The following WASF1 variants were observed in gnomAD, a reference collection of about 807,000 sequenced individuals.
WASF1 encodes the protein actin-binding protein WASF1.
A neutral mutation model predicts 50.5 loss-of-function variants in WASF1; 7 were observed. The ratio of observed to expected loss-of-function variants is 0.14; its 90% CI spans 0.08 to 0.26. The LOEUF is 0.26. Ranked by LOEUF, WASF1 falls within the 10% of genes least tolerant of loss-of-function variation. The probability of loss-of-function intolerance (pLI) is 1.00; values close to 1 mark genes in which losing one functional copy is unlikely to be tolerated. For missense variants in WASF1, 470 were observed against 694.7 expected (o/e 0.68, Z 3.64); for synonymous variants, 205 against 244.0 (o/e 0.84, Z 1.49).
chr6:110,176,323 G>A (rs1776926890), intron 2 of WASF1, among the ~76,000 whole-genome samples: 1 of 151,892 alleles, frequency 6.6e-6, no homozygotes, highest in South Asian at 2.1e-4. Flanking sequence ...CTTCTATCTA[G>A]TGTAGGAAAA....
At position 110,107,620 on chromosome 6, in the gene WASF1, A is replaced by G. The variant is rs912105523; in HGVS notation, c.423-426T>C. ...TTTATTATCTTACTAAATCCAAAAG[A>G]TATCATGTAATAGTCATTCTAACAG... On this transcript the variant is annotated intron_variant, in intron 6 of 10. Coordinates refer to ENST00000392589, the MANE Select transcript of WASF1 (RefSeq NM_003931.3). Among the ~76,000 whole-genome samples the G allele has an allele frequency of 3.9e-5, 6 of 152,304 alleles. 1 individual carries two copies. Among genetic ancestry groups the G allele is most frequent in the Admixed American group, 1.3e-4 (2 of 15,298 alleles).
intron 3 of WASF1, 123 bp from the exon 4 acceptor site, chr6:110,127,752 G>A (rs944125443): frequency 7.9e-6 from 7 of 882,992 alleles, no homozygotes; most frequent in Non-Finnish European, 1.1e-5. Flanking sequence ...AACTGCCTGG[G>A]TCCACTTACT....
intron 3 of WASF1, among the ~76,000 whole-genome samples, chr6:110,139,540 C>T (rs1316201214): frequency 6.6e-6 from 1 of 152,220 alleles, no homozygotes; most frequent in East Asian, 1.9e-4. Context: ...CTATTCCCAG[C>T]TTTTTGCTTG....
intron 4 of WASF1, among the ~76,000 whole-genome samples, chr6:110,126,440 G>A (rs4945850): frequency 6.6e-6 from 1 of 152,050 alleles, no homozygotes; most frequent in Non-Finnish European, 1.5e-5. Flanking sequence ...ATATTCAAAT[G>A]TAACTTTTTA....
chr6:110,169,417 T>C (rs1776601761), intron 2 of WASF1, among the ~76,000 whole-genome samples: 1 of 152,182 alleles, frequency 6.6e-6, no homozygotes, highest in Non-Finnish European at 1.5e-5. Context: ...TTTGAGATCA[T>C]CTTTAAATTA....
At chr6:110,172,345 T>TA (rs1776757135) in intron 2 of WASF1, among the ~76,000 whole-genome samples, 1 of 151,732 alleles carries the variant, frequency 6.6e-6, no homozygotes, top group Non-Finnish European at 1.5e-5. Context: ...ATGGAATAAT[T>TA]AAGGCAGAAA....
intron 9 of WASF1, 114 bp from the exon 10 acceptor site, chr6:110,102,330 A>C: frequency 1.9e-6 from 2 of 1,071,112 alleles, no homozygotes; most frequent in Non-Finnish European, 2.4e-6. Context: ...GGATCCAATA[A>C]CATGCTCCTA....
chr6:110,174,986 C>T (rs904689595), intron 2 of WASF1, among the ~76,000 whole-genome samples: 9 of 152,200 alleles, frequency 5.9e-5, no homozygotes, highest in African/African-American at 1.4e-4. Context: ...AACAACCAAA[C>T]GCTTACAACA....
At chr6:110,124,002 C>T (rs1362162845) in intron 4 of WASF1, among the ~76,000 whole-genome samples, 1 of 151,748 alleles carries the variant, frequency 6.6e-6, no homozygotes, top group Non-Finnish European at 1.5e-5. Flanking sequence ...AGGGAAGGGT[C>T]CCCAGAGAAC....
At chr6:110,137,452 C>T (rs927639720) in intron 3 of WASF1, among the ~76,000 whole-genome samples, 12 of 152,160 alleles carry the variant, frequency 7.9e-5, no homozygotes, top group African/African-American at 2.9e-4. Context: ...ACAGGTAATT[C>T]AAAATCTAAG....
intron 3 of WASF1, among the ~76,000 whole-genome samples, chr6:110,136,621 G>T (rs1376925564): frequency 1.3e-5 from 2 of 152,120 alleles, no homozygotes; most frequent in African/African-American, 4.8e-5. Flanking sequence ...TTGCTTAAAA[G>T]TCTAATTTTT....
At chr6:110,164,242 G>A (rs780259540) in intron 2 of WASF1, among the ~76,000 whole-genome samples, 1 of 151,572 alleles carries the variant, frequency 6.6e-6, no homozygotes, top group Non-Finnish European at 1.5e-5. Context: ...GCTCTGTTAA[G>A]ACAATGTTGA....
intron 3 of WASF1, among the ~76,000 whole-genome samples, chr6:110,135,034 T>C (rs1303308893): frequency 6.6e-6 from 1 of 152,232 alleles, no homozygotes; most frequent in Non-Finnish European, 1.5e-5. Context: ...GTGTTTTCTA[T>C]AATTTCTTTC....
chr6:110,161,400 A>T (rs1017587372), intron 2 of WASF1, among the ~76,000 whole-genome samples: 2 of 151,586 alleles, frequency 1.3e-5, no homozygotes, highest in Admixed American at 1.3e-4. Context: ...AATGTTGGAT[A>T]AATTTGGCTA....
chr6:110,108,076 T>C (rs566105936), intron 6 of WASF1, among the ~76,000 whole-genome samples: 160 of 124,668 alleles, frequency 1.3e-3, no homozygotes, highest in Non-Finnish European at 2.1e-3. Flanking sequence ...GGCAGGAAAA[T>C]GACATGAACC....
At chr6:110,135,876 C>CT (rs778710982) in intron 3 of WASF1, among the ~76,000 whole-genome samples, 7,501 of 68,390 alleles carry the variant, frequency 0.11, 1,117 homozygotes, top group Non-Finnish European at 0.13. Flanking sequence ...AGTCCATTAT[C>CT]TTTTTTTTTT....
intron 2 of WASF1, among the ~76,000 whole-genome samples, chr6:110,174,226 C>T (rs137996483): frequency 8.3e-4 from 126 of 151,906 alleles, no homozygotes; most frequent in African/African-American, 2.9e-3. Context: ...AAGAAGCCTC[C>T]CCTGACTCCC....
At position 110,178,675 on chromosome 6, in the gene WASF1, A is replaced by G. The variant is rs1185474041; in HGVS notation, c.-204T>C. The G allele has an allele frequency of 6.6e-6, 1 of 152,662 alleles. No homozygotes were observed. The allele number at this position is 152,662 out of a possible 1,614,324, so 9.5% of individuals were successfully genotyped here. A position where few individuals can be genotyped will look rare whatever the true frequency, so the allele number is the denominator to read the frequency against. Reference sequence around the variant, plus strand: ...GTTGAGATCGGATGTGCTTTCTTTCATCGTTATTCCAGTTCATCATCCGCA... The same window carrying G: ...GTTGAGATCGGATGTGCTTTCTTTCGTCGTTATTCCAGTTCATCATCCGCA... On this transcript the variant is annotated 5_prime_UTR_variant, in exon 2 of 11. It removes an upstream start codon present in the reference 5' UTR. Transcript: ENST00000392589.
chr6:110,100,320 A>G lies in WASF1; in HGVS notation c.*202T>C. 4.1e-6 allele frequency: 2 copies of G among 486,252 alleles called. No individual in the cohort carries two copies. Among genetic ancestry groups the G allele is most frequent in the Non-Finnish European group, 7.0e-6 (2 of 287,678 alleles). 30.1% of individuals were successfully genotyped at this position (486,252 alleles called of 1,614,324 possible). A position where few individuals can be genotyped will look rare whatever the true frequency, so the allele number is the denominator to read the frequency against. ...TGACCAAATTAGTCTTTTCAGGGGG[A>G]AAAAAAAGATAAGCCACTGTAAAAC... On this transcript the variant is annotated 3_prime_UTR_variant, in exon 11 of 11. Transcript: ENST00000392589.
Sources: allele counts gnomAD v4.1 joint callset (sites outside exome capture counted in the v4.1 genomes callset), GRCh38; gene constraint gnomAD v4.1.1; transcripts MANE v1.5; gene names NCBI Gene and HGNC (gene_info 2026-07-23, HGNC 2026-07-21).